The following FRMD4B variants were observed in gnomAD, a reference collection of about 807,000 sequenced individuals.
FRMD4B encodes the protein FERM domain-containing protein 4B.
A neutral mutation model predicts 141.5 loss-of-function variants in FRMD4B; 74 were observed. That is an observed-to-expected ratio of 0.52 (90% CI 0.43 to 0.63). The LOEUF (loss-of-function observed/expected upper bound fraction) is 0.63. Ranked by LOEUF, FRMD4B falls within the 30% of genes least tolerant of loss-of-function variation. FRMD4B has a pLI of 0.00. For synonymous variants in FRMD4B, 506 were observed against 467.9 expected, an observed-to-expected ratio of 1.08 and a Z score of -1.05; for missense variants, 1,366 against 1,253.4, an observed-to-expected ratio of 1.09 and a Z score of -1.36.
chr3:69,494,620 G>A (rs1706355490), intron 1 of FRMD4B, among the ~76,000 whole-genome samples: 2 of 152,144 alleles, frequency 1.3e-5, no homozygotes, highest in Admixed American at 1.3e-4. Flanking sequence ...AGCTGGGTGC[G>A]GTGGCTCATA....
chr3:69,406,648 C>T (rs982262210), intron 2 of FRMD4B, among the ~76,000 whole-genome samples: 9 of 152,198 alleles, frequency 5.9e-5, no homozygotes, highest in Non-Finnish European at 8.8e-5. Flanking sequence ...TGGCAGCAAA[C>T]ATGTCCTTAG....
At chr3:69,380,694 T>C (rs1704094224) in intron 1 of FRMD4B, among the ~76,000 whole-genome samples, 1 of 152,148 alleles carries the variant, frequency 6.6e-6, no homozygotes, top group South Asian at 2.1e-4. Context: ...GACAGCTACC[T>C]GCCTCAGGGG....
intron 7 of FRMD4B, among the ~76,000 whole-genome samples, chr3:69,240,484 A>G (rs1269372335): frequency 1.1e-4 from 1 of 8,980 alleles, no homozygotes. Context: ...CTCTGTCTCA[A>G]AAAAAAAAAA....
chr3:69,241,016 A>G (rs1005562217), intron 7 of FRMD4B, among the ~76,000 whole-genome samples: 8 of 152,198 alleles, frequency 5.3e-5, no homozygotes, highest in Non-Finnish European at 4.4e-5. Flanking sequence ...AGGACCAAGT[A>G]GCTATGATGG....
At chr3:69,361,606 T>G (rs923852382) in intron 1 of FRMD4B, among the ~76,000 whole-genome samples, 1 of 152,234 alleles carries the variant, frequency 6.6e-6, no homozygotes, top group Admixed American at 6.5e-5. Flanking sequence ...GAGTATGTAT[T>G]TTTTAATACC....
At chr3:69,255,955 G>C (rs2093489747) in intron 5 of FRMD4B, among the ~76,000 whole-genome samples, 1 of 152,092 alleles carries the variant, frequency 6.6e-6, no homozygotes, top group Non-Finnish European at 1.5e-5. Flanking sequence ...ACTCAAGCAG[G>C]GTGCTCTGGC....
Position 69,465,994 on chromosome 3 carries a change from T to C in FRMD4B, c.-128-33233A>G, listed in dbSNP as rs150087669. ...TGTCTTCCACAAATAGTTGAACTAATTTGCATTCCCACCAACAGTGTAAAA... is the reference window on the plus strand; with the variant it reads ...TGTCTTCCACAAATAGTTGAACTAACTTGCATTCCCACCAACAGTGTAAAA... On this transcript the variant is annotated intron_variant, in intron 1 of 5. Coordinates refer to the FRMD4B transcript ENST00000459638. Among the ~76,000 whole-genome samples, 25 of 152,348 alleles carry C rather than the reference T, an allele frequency of 1.6e-4. No homozygotes were observed. In the South Asian group the frequency reaches 5.2e-3, roughly 32 times the overall value.
At chr3:69,212,134 T>A (rs975379183) in intron 11 of FRMD4B, among the ~76,000 whole-genome samples, 1 of 147,652 alleles carries the variant, frequency 6.8e-6, no homozygotes, top group Non-Finnish European at 1.5e-5. Flanking sequence ...CCGAGGCAGG[T>A]GGATTGCCTG....
At chr3:69,239,749 G>A (rs1037125954) in intron 7 of FRMD4B, among the ~76,000 whole-genome samples, 3 of 152,098 alleles carry the variant, frequency 2.0e-5, no homozygotes, top group African/African-American at 7.2e-5. Flanking sequence ...AAAAAGTTCT[G>A]GAGATTGGCC....
chr3:69,267,634 TATAGAGAG>T (rs2093572927), intron 5 of FRMD4B, among the ~76,000 whole-genome samples: 3 of 10,268 alleles, frequency 2.9e-4, no homozygotes, highest in African/African-American at 1.1e-3. Context: ...TATATATATA[TATAGAGAG>T]AGAGAGAGAG....
At chr3:69,386,634 G>C (rs1173743075), upstream of FRMD4B, among the ~76,000 whole-genome samples, 1 of 152,166 alleles carries the variant, frequency 6.6e-6, no homozygotes, top group East Asian at 1.9e-4. Context: ...AGCCACGAAT[G>C]TTTCCTTGGT....
At chr3:69,374,191 A>T (rs1368094877) in intron 1 of FRMD4B, among the ~76,000 whole-genome samples, 2 of 152,202 alleles carry the variant, frequency 1.3e-5, no homozygotes, top group African/African-American at 4.8e-5. Context: ...CATCAATGTT[A>T]TCTTTAACCT....
intron 11 of FRMD4B, among the ~76,000 whole-genome samples, chr3:69,204,756 C>A (rs2093005800): frequency 6.6e-6 from 1 of 152,142 alleles, no homozygotes; most frequent in Non-Finnish European, 1.5e-5. Flanking sequence ...GCAGTTAACA[C>A]CAACAGTGCC....
chr3:69,265,272 ATATATATATATATAT>A (rs1559763013), intron 5 of FRMD4B, among the ~76,000 whole-genome samples: 282 of 16,130 alleles, frequency 0.017, 25 homozygotes, highest in South Asian at 0.051. Flanking sequence ...AAAAAAAAAT[ATATATATATATATAT>A]ATATATATAT....
chr3:69,200,580 A>G, intron 11 of FRMD4B: 2 of 1,177,394 alleles, frequency 1.7e-6, no homozygotes, highest in Non-Finnish European at 1.1e-6. Context: ...CTGACACACT[A>G]CTGACATCAG....
Position 69,265,270 on chromosome 3 carries a change from ATATATATATATATAT to A in FRMD4B, c.502-15186_502-15172del, listed in dbSNP as rs1203147545. Among the ~76,000 whole-genome samples, 161 of 20,218 alleles carry A rather than the reference ATATATATATATATAT, an allele frequency of 8.0e-3. 19 individuals carry two copies. The highest frequency in any genetic ancestry group is 9.5e-3 in the African/African-American group (49 of 5,180). The allele number at this position is 20,218 out of a possible 152,430, so 13.3% of individuals were successfully genotyped here. A position where few individuals can be genotyped will look rare whatever the true frequency, so the allele number is the denominator to read the frequency against. The stretch of plus-strand genomic sequence containing the variant: ...ACTCCATCTCAAAAAAAAAAAAAAA[ATATATATATATATAT>A]ATATATATATATATATATATATATA... On this transcript the variant is annotated intron_variant, in intron 5 of 22. Coordinates refer to ENST00000398540, the MANE Select transcript of FRMD4B (RefSeq NM_015123.3).
At chr3:69,278,103 C>G (rs1321019621) in intron 5 of FRMD4B, among the ~76,000 whole-genome samples, 1 of 152,202 alleles carries the variant, frequency 6.6e-6, no homozygotes, top group African/African-American at 2.4e-5. Flanking sequence ...ATCCGCCTGC[C>G]TTGGCCTCCC....
At chr3:69,488,718 CAGTG>C (rs1292000587) in intron 1 of FRMD4B, among the ~76,000 whole-genome samples, 82 of 151,600 alleles carry the variant, frequency 5.4e-4, no homozygotes, top group Non-Finnish European at 4.4e-5. Context: ...CTGGCCAAAG[CAGTG>C]AAACCCCATC....
chr3:69,481,303 C>G (rs948727562), intron 1 of FRMD4B, among the ~76,000 whole-genome samples: 1 of 152,174 alleles, frequency 6.6e-6, no homozygotes, highest in Non-Finnish European at 1.5e-5. Flanking sequence ...TCTTCTGTGT[C>G]GCTCACGCTG....
Sources: allele counts gnomAD v4.1 joint callset (sites outside exome capture counted in the v4.1 genomes callset), GRCh38; gene constraint gnomAD v4.1.1; transcripts MANE v1.5; gene names NCBI Gene and HGNC (gene_info 2026-07-23, HGNC 2026-07-21).